Variants in GPR158 observed in about 807,000 individuals in gnomAD.
GPR158 encodes G protein-coupled receptor 158.
In GPR158, 30 loss-of-function variants were observed where a neutral mutation model predicts 78.2. The ratio of observed to expected loss-of-function variants is 0.38; its 90% CI spans 0.29 to 0.52. The LOEUF is 0.52. Among genes scored for constraint, GPR158 ranks in the 20% least tolerant of loss-of-function variants. The probability of loss-of-function intolerance (pLI) is 0.83; values close to 1 mark genes in which losing one functional copy is unlikely to be tolerated. For synonymous variants in GPR158, 581 were observed against 591.1 expected (o/e 0.98, Z 0.25); for missense variants, 1,463 against 1,523.5 (o/e 0.96, Z 0.66).
chr10:25,224,376 A>G (rs1302094134), intron 2 of GPR158, among the ~76,000 whole-genome samples: 1 of 151,764 alleles, frequency 6.6e-6, no homozygotes, highest in Non-Finnish European at 1.5e-5. Context: ...AGGTATATAT[A>G]TATTTTAAAT....
chr10:25,220,000 C>G (rs2807236), intron 1 of GPR158, among the ~76,000 whole-genome samples: 20,275 of 151,962 alleles, frequency 0.13, 1,639 homozygotes, highest in East Asian at 0.3. Flanking sequence ...GCTACAGGAG[C>G]TATAAAATCA....
In GPR158 at chr10:25,550,987, G is replaced by T. The variant is rs768733241; in HGVS notation, c.1416G>T (p.Leu472Phe). 6.3e-6 allele frequency: 10 copies of T among 1,590,696 alleles called. No homozygotes were observed. Among genetic ancestry groups the T allele is most frequent in the Middle Eastern group, 1.7e-4 (1 of 6,002 alleles). ...TTTTCATCCCACAGGTTGTTATTTT[G>T]TACTTTGAGCCAAGCACATTTCGCT... is the stretch of plus-strand genomic sequence containing the variant. ...SLLLYFPVVI[L>F]YFEPSTFRCI... Residue 472 changes from leucine to phenylalanine, a missense_variant, in exon 6 of 11, where the codon TTG (leucine) becomes TTT (phenylalanine). By Grantham distance (22) the Leu-to-Phe change is conservative (BLOSUM62 0). Transcript: ENST00000376351.
chr10:25,291,972 G>A lies in GPR158; in HGVS notation c.1008+70815G>A, dbSNP rs1257710392. ...TTCTCAAATACTGGGGAAACTTACT[G>A]TAGTCACGGGGAGTTTACTCAAAAA... On this transcript the variant is annotated intron_variant, in intron 2 of 10. Coordinates refer to ENST00000376351, the MANE Select transcript of GPR158 (RefSeq NM_020752.3). 5.4e-4 allele frequency among the ~76,000 whole-genome samples: 82 copies of A among 152,178 alleles called. 1 individual carries two copies. The highest frequency in any genetic ancestry group is 4.4e-5 in the Non-Finnish European group (3 of 67,926).
intron 5 of GPR158, among the ~76,000 whole-genome samples, chr10:25,479,336 C>T (rs1281026077): frequency 6.6e-6 from 1 of 151,972 alleles, no homozygotes; most frequent in Non-Finnish European, 1.5e-5. Flanking sequence ...AATACAGTTC[C>T]TTTCATCCTT....
At chr10:25,221,257 A>G (rs1853295943) in intron 2 of GPR158, 100 bp downstream of exon 2, 1 of 634,210 alleles carries the variant, frequency 1.6e-6, no homozygotes, top group South Asian at 2.1e-5. Flanking sequence ...TCTTACTGGG[A>G]AGAAAATCTA....
chr10:25,338,559 G>A (rs184223945), intron 2 of GPR158, among the ~76,000 whole-genome samples: 47 of 48,972 alleles, frequency 9.6e-4, no homozygotes, highest in Non-Finnish European at 3.8e-3. Context: ...TATATAATAC[G>A]TATTGTATAT....
chr10:25,418,632 T>C (rs1465850577), intron 4 of GPR158, among the ~76,000 whole-genome samples: 1 of 150,100 alleles, frequency 6.7e-6, no homozygotes, highest in Non-Finnish European at 1.5e-5. Context: ...TTTCTATTCG[T>C]GATCTCAAAG....
chr10:25,332,214 A>C (rs1413387680), intron 2 of GPR158, among the ~76,000 whole-genome samples: 2 of 152,188 alleles, frequency 1.3e-5, no homozygotes, highest in East Asian at 3.9e-4. Context: ...ATGTGCTGAC[A>C]AGCTTGGAGG....
chr10:25,223,954 G>T (rs143528995), intron 2 of GPR158, among the ~76,000 whole-genome samples: 187 of 152,182 alleles, frequency 1.2e-3, no homozygotes, highest in African/African-American at 4.3e-3. Context: ...CAGCCTCTAG[G>T]GTATGTACAA....
chr10:25,598,006 G>T lies in GPR158; in HGVS notation c.2380G>T (p.Glu794Ter). Residue 794 changes from glutamate (E) to a stop codon, truncating the protein, a stop_gained, in exon 11 of 11, where the codon GAG (glutamate) becomes TAG (stop). Coordinates refer to ENST00000376351, the MANE Select transcript of GPR158 (RefSeq NM_020752.3). LOFTEE classifies it low-confidence loss of function (END_TRUNC). ...TGCCCTCATCAGGAAGAACCCCCCA[G>T]AGTCTTCAGGGAACACAGGGAAATC... is the stretch of plus-strand genomic sequence containing the variant. The part of the protein sequence containing the change: ...GTALIRKNPP[E>*]SSGNTGKSKE... 6.2e-7 allele frequency: 1 copy of T among 1,614,088 alleles called. No homozygotes were observed.
chr10:25,434,779 T>C (rs1292373077), intron 4 of GPR158, among the ~76,000 whole-genome samples: 2 of 152,208 alleles, frequency 1.3e-5, no homozygotes, highest in Admixed American at 6.5e-5. Flanking sequence ...TTTTAAACCT[T>C]CTTTTATGTC....
At chr10:25,397,666 C>T (rs1171786292) in intron 3 of GPR158, among the ~76,000 whole-genome samples, 2 of 152,070 alleles carry the variant, frequency 1.3e-5, no homozygotes, top group African/African-American at 2.4e-5. Flanking sequence ...AACATTTTGC[C>T]GTCTCCTCCG....
chr10:25,237,335 T>G (rs1168888893), intron 2 of GPR158, among the ~76,000 whole-genome samples: 3 of 152,228 alleles, frequency 2.0e-5, no homozygotes, highest in East Asian at 3.8e-4. Context: ...TAACTTTAAT[T>G]TGTTTTATGT....
In GPR158 at chr10:25,175,029, GGCA is replaced by G. The variant is rs974053703; in HGVS notation, c.-377_-375del. 79 of 184,984 alleles carry G rather than the reference GGCA, an allele frequency of 4.3e-4. No individual in the cohort carries two copies. Among genetic ancestry groups the G allele is most frequent in the South Asian group, 9.2e-4 (8 of 8,722 alleles). 11.5% of individuals were successfully genotyped at this position (184,984 alleles called of 1,614,324 possible). On this transcript the variant is annotated 5_prime_UTR_variant, in exon 1 of 11. Transcript: ENST00000376351. The surrounding 1 kb of genome is among the most constrained non-coding windows in gnomAD (Gnocchi z 6.4). ...GAGCAGCGTCTTCGGCGGCCGCGGC[GGCA>G]GCAGCAGCAGCAGCTTCTGAACGCG...
chr10:25,249,723 A>G (rs1029917982), intron 2 of GPR158, among the ~76,000 whole-genome samples: 2 of 152,010 alleles, frequency 1.3e-5, no homozygotes, highest in Non-Finnish European at 2.9e-5. Flanking sequence ...CCAGTATTTT[A>G]TTGATGATTT....
chr10:25,258,117 C>T (rs1279472709), intron 2 of GPR158, among the ~76,000 whole-genome samples: 1 of 152,010 alleles, frequency 6.6e-6, no homozygotes, highest in East Asian at 1.9e-4. Flanking sequence ...TCACTTTGTG[C>T]CCAGAGTCAA....
In GPR158 at chr10:25,214,616, A is replaced by G. The variant is rs577482545; in HGVS notation, c.903-6436A>G. Among the ~76,000 whole-genome samples, 12 of 152,132 alleles carry G rather than the reference A, an allele frequency of 7.9e-5. No individual in the cohort carries two copies. In the South Asian group the frequency reaches 2.5e-3, roughly 32 times the overall value. On this transcript the variant is annotated intron_variant, in intron 1 of 10. Transcript: ENST00000376351. ...GTATGAATTGTGTTCTCCAAAATTG[A>G]TATGTTGCACTCCTAACCTCCAATA...
rs764018775 is a variant in GPR158, at chr10:25,175,651, G to C, written c.231G>C (p.Glu77Asp). The C allele has an allele frequency of 6.2e-7, 1 of 1,611,422 alleles. No homozygotes were observed. Among genetic ancestry groups the C allele is most frequent in the Non-Finnish European group, 8.5e-7 (1 of 1,179,930 alleles). The change falls in exon 1 of 11, where the codon GAG (glutamate) becomes GAC (aspartate). Residue 77 changes from glutamate (E) to aspartate (D), a missense_variant. Transcript: ENST00000376351. This position sits in a 1 kb window ranked among gnomAD's most constrained non-coding sequence, Gnocchi z 6.4. Reference protein sequence around the residue: ...GTILAQKLAEEVPMDVASYLY... With the variant: ...GTILAQKLAEDVPMDVASYLY... ...TCTTGGCGCAGAAACTCGCCGAGGA[G>C]GTGCCCATGGACGTGGCCTCTTACC...
At chr10:25,412,215 G>A in intron 3 of GPR158, 35 bp from the exon 4 acceptor site, 1 of 1,414,090 alleles carries the variant, frequency 7.1e-7, no homozygotes, top group Non-Finnish European at 1.0e-6. Context: ...CCTAAGAGGT[G>A]CAAATGACAC....
Sources: gnomAD v4.1 joint callset for allele counts (sites outside exome capture counted in the v4.1 genomes callset) on GRCh38, gnomAD v4.1.1 for gene constraint, Gnocchi (gnomAD v3.1) non-coding constraint, MANE v1.5 for transcripts, NCBI Gene and HGNC (gene_info 2026-07-23, HGNC 2026-07-21) for gene names.